The following RTBDN variants were observed in gnomAD, a reference collection of about 807,000 sequenced individuals.
RTBDN encodes the protein retbindin.
RTBDN carries 24 observed loss-of-function variants against 21.9 expected under a neutral mutation model. The observed-to-expected ratio is 1.10, with a 90% CI of 0.79 to 1.54. RTBDN has a LOEUF of 1.54. RTBDN is among the 40% of genes most tolerant of loss of function. The pLI, the probability that RTBDN is intolerant of heterozygous loss-of-function variation, is 0.00. For synonymous variants in RTBDN, 141 were observed against 125.9 expected (o/e 1.12, Z -0.80); for missense variants, 325 against 315.2 (o/e 1.03, Z -0.23).
rs777089977 is a variant in RTBDN at position 12,825,805 on chromosome 19, C to T, written c.591G>A (p.Arg197=). The change falls in exon 6 of 6, where the codon CGG becomes CGA. Residue 197 remains arginine (R), a synonymous_variant. Coordinates refer to ENST00000674343, the MANE Select transcript of RTBDN (RefSeq NM_001270441.2). ...SAVPRPRPGR[R]GREAPSRRSR... ...AACGCCGGGAGGGAGCTTCCCGGCC[C>T]CGTCGTCCTGGTCTGGGACGAGGTA... 1.2e-6 allele frequency: 2 copies of T among 1,612,088 alleles called. No homozygotes were observed. The highest frequency in any genetic ancestry group is 1.1e-5 in the South Asian group (1 of 90,928).
At position 12,826,808 on chromosome 19, in the gene RTBDN, C is replaced by G. The variant is rs1367563404; in HGVS notation, c.429G>C (p.Arg143Ser). The change falls in exon 5 of 6, where the codon AGG becomes AGC. Residue 143 changes from arginine to serine, a missense_variant. Coordinates refer to ENST00000674343, the MANE Select transcript of RTBDN (RefSeq NM_001270441.2). ...GPTWLPLSEKRGCEPSCLTYG... is the reference protein window; with the variant it reads ...GPTWLPLSEKSGCEPSCLTYG... ...AGGTAAGGCAGCTGGGCTCACAGCC[C>G]CTTTTTTCTGAGAGTGGGAGCCAAG... is the stretch of plus-strand genomic sequence containing the variant. 10 of 1,555,300 alleles carry G rather than the reference C, an allele frequency of 6.4e-6. No homozygotes were observed. In the South Asian group the frequency reaches 1.2e-4, roughly 18 times the overall value.
chr19:12,828,800 C>T lies in RTBDN; in HGVS notation c.255-33G>A, dbSNP rs1422511539. 3 of 1,613,532 alleles carry T rather than the reference C, an allele frequency of 1.9e-6. No homozygotes were observed. In the African/African-American group the frequency reaches 4.0e-5, roughly 22 times the overall value. ...TTGGGAGAGATAGGGTCGGATGGGT[C>T]AGGACCCGAGGGAGTTCCTGGGCAA... On this transcript the variant is annotated intron_variant, in intron 3 of 5. Transcript: ENST00000674343.
chr19:12,829,356 C>G (rs1351741899), intron 2 of RTBDN, among the ~76,000 whole-genome samples: 2 of 152,098 alleles, frequency 1.3e-5, no homozygotes, highest in African/African-American at 4.8e-5. Context: ...CGCATGCCAC[C>G]TCGTCCAGCT....
chr19:12,832,165 ATGTT>A (rs1969597569), intron 1 of RTBDN, among the ~76,000 whole-genome samples: 1 of 152,060 alleles, frequency 6.6e-6, no homozygotes, highest in African/African-American at 2.4e-5. Flanking sequence ...GTTCGAATAA[ATGTT>A]TGTGTGTCTG....
Position 12,825,854 on chromosome 19 carries a change from C to T in RTBDN, c.542G>A (p.Cys181Tyr). 6.2e-7 allele frequency: 1 copy of T among 1,613,474 alleles called. No individual in the cohort carries two copies. The highest frequency in any genetic ancestry group is 1.3e-5 in the African/African-American group (1 of 75,036). ...LPVAAPGARH[C>Y]FNISISAVPR... ...TACCGCGGAGATGGAGATGTTGAAGCAGTGACGGGCTCCAGGAGCAGCCAC... is the reference window on the plus strand; with the variant it reads ...TACCGCGGAGATGGAGATGTTGAAGTAGTGACGGGCTCCAGGAGCAGCCAC... The change falls in exon 6 of 6, where the codon TGC becomes TAC. Residue 181 changes from cysteine (C) to tyrosine (Y), a missense_variant. Coordinates refer to ENST00000674343, the MANE Select transcript of RTBDN (RefSeq NM_001270441.2).
chr19:12,826,364 C>T (rs546537256), intron 5 of RTBDN: 545 of 1,267,570 alleles, frequency 4.3e-4, no homozygotes, highest in Non-Finnish European at 5.4e-4. Context: ...CTGGGGAGTA[C>T]CAATCCGGTC....
chr19:12,830,244 C>A lies in RTBDN; in HGVS notation c.-18-247G>T. ...CAGTGCCACCCCAACCAAGCTTAGA[C>A]CACAGTGGCCCTCCTCCCATCCAGC... On this transcript the variant is annotated intron_variant, in intron 1 of 5. Coordinates refer to ENST00000674343, the MANE Select transcript of RTBDN (RefSeq NM_001270441.2). The surrounding 1 kb of genome is among the most constrained non-coding windows in gnomAD (Gnocchi z 4.2). 2 of 1,246,980 alleles carry A rather than the reference C, an allele frequency of 1.6e-6. No individual in the cohort carries two copies. Among genetic ancestry groups the A allele is most frequent in the Non-Finnish European group, 1.0e-6 (1 of 991,342 alleles). The allele number at this position is 1,246,980 out of a possible 1,614,324, so 77.2% of individuals were successfully genotyped here.
chr19:12,833,907 T>A, intron 1 of RTBDN: 1 of 164,970 alleles, frequency 6.1e-6, no homozygotes, highest in Non-Finnish European at 1.3e-5. Flanking sequence ...CCCTCCTCCC[T>A]CCTCCCGCCG....
Position 12,830,653 on chromosome 19 carries a change from A to G in RTBDN, c.-18-656T>C, listed in dbSNP as rs967510306. On this transcript the variant is annotated intron_variant, in intron 1 of 5. Transcript: ENST00000674343. This position sits in a 1 kb window ranked among gnomAD's most constrained non-coding sequence, Gnocchi z 4.2. ...GGTCTAGAGGCCGCTAAGACACCTC[A>G]GGATCCAGTCCAGGAAACTGGCTGC... 4.1e-6 allele frequency: 4 copies of G among 985,466 alleles called. No homozygotes were observed. In the African/African-American group the frequency reaches 5.2e-5, roughly 13 times the overall value. The allele number at this position is 985,466 out of a possible 1,614,324, so 61.0% of individuals were successfully genotyped here. A position where few individuals can be genotyped will look rare whatever the true frequency, so the allele number is the denominator to read the frequency against.
rs369175490 is a variant in RTBDN, at chr19:12,825,718, G to A, written c.678C>T (p.Gly226=). 15 of 1,577,244 alleles carry A rather than the reference G, an allele frequency of 9.5e-6. No homozygotes were observed. The African/African-American group carries it at 1.8e-4, about 18-fold the overall frequency. ...AAGSGSGSGS[G]SGP ...GGCCACGCGTCCGCTAGGGGCCGCT[G>A]CCGCTTCCACTGCCACTCCCGCTGC... Residue 226 remains glycine (G), a synonymous_variant, in exon 6 of 6, where the codon GGC becomes GGT. Transcript: ENST00000674343.
intron 1 of RTBDN, among the ~76,000 whole-genome samples, chr19:12,833,164 G>A (rs1969637975): frequency 1.3e-5 from 2 of 152,232 alleles, no homozygotes; most frequent in Middle Eastern, 6.8e-3. Flanking sequence ...TGGGGCAGGT[G>A]GGTGGGGGGG....
rs1208461483 is a variant in RTBDN, at chr19:12,830,116, G to A, written c.-18-119C>T. ...TAGGGAAAGTGCAGCTGAGGAGGAG[G>A]CTGGGGCAGTGGCCAAGGACGTTCA... On this transcript the variant is annotated intron_variant, in intron 1 of 5. Transcript: ENST00000674343. The surrounding 1 kb of genome is among the most constrained non-coding windows in gnomAD (Gnocchi z 4.2). The A allele has an allele frequency of 2.2e-6, 3 of 1,334,900 alleles. No homozygotes were observed. The African/African-American group carries it at 4.4e-5, about 20-fold the overall frequency. The allele number at this position is 1,334,900 out of a possible 1,614,324, so 82.7% of individuals were successfully genotyped here.
At position 12,826,377 on chromosome 19, in the gene RTBDN, T is replaced by G. The variant is rs774472038; in HGVS notation, c.462+398A>C. The G allele has an allele frequency of 7.9e-6, 10 of 1,273,466 alleles. 1 individual carries two copies. In the South Asian group the frequency reaches 1.2e-4, roughly 15 times the overall value. The allele number at this position is 1,273,466 out of a possible 1,614,324, so 78.9% of individuals were successfully genotyped here. On this transcript the variant is annotated intron_variant, in intron 5 of 5. Coordinates refer to ENST00000674343, the MANE Select transcript of RTBDN (RefSeq NM_001270441.2). ...ACCTGGGGAGTACCAATCCGGTCTC[T>G]GGGGTCTAGACACGGTAAGAAAGAA...
chr19:12,828,240 A>G (rs1479965989), intron 4 of RTBDN, among the ~76,000 whole-genome samples: 1 of 152,046 alleles, frequency 6.6e-6, no homozygotes, highest in East Asian at 1.9e-4. Context: ...TACTAAAAAT[A>G]CAAAAATTAG....
At position 12,825,639 on chromosome 19, in the gene RTBDN, G is replaced by T; in HGVS notation, c.*67C>A. On this transcript the variant is annotated 3_prime_UTR_variant, in exon 6 of 6. Coordinates refer to ENST00000674343, the MANE Select transcript of RTBDN (RefSeq NM_001270441.2). ...GAAGGCCGAGAGGACGAGGGGTGGGGTTCTGGGTGTCCTGAGGGGCGGGGC... is the reference window on the plus strand; with the variant it reads ...GAAGGCCGAGAGGACGAGGGGTGGGTTTCTGGGTGTCCTGAGGGGCGGGGC... The T allele has an allele frequency of 6.7e-7, 1 of 1,495,594 alleles. No individual in the cohort carries two copies. The allele number at this position is 1,495,594 out of a possible 1,614,324, so 92.6% of individuals were successfully genotyped here. A position where few individuals can be genotyped will look rare whatever the true frequency, so the allele number is the denominator to read the frequency against.
At position 12,830,418 on chromosome 19, in the gene RTBDN, G is replaced by T. The variant is rs536522746; in HGVS notation, c.-18-421C>A. 44 of 989,320 alleles carry T rather than the reference G, an allele frequency of 4.4e-5. No homozygotes were observed. The African/African-American group carries it at 7.5e-4, about 17-fold the overall frequency. The allele number at this position is 989,320 out of a possible 1,614,324, so 61.3% of individuals were successfully genotyped here. On this transcript the variant is annotated intron_variant, in intron 1 of 5. Transcript: ENST00000674343. The surrounding 1 kb of genome is among the most constrained non-coding windows in gnomAD (Gnocchi z 4.2). ...CCTCCTCCCTCTCTCGCTCCCTGCC[G>T]GCCCTTCTCTGGGTCACCTTCTCTC...
rs985558721 is a variant in RTBDN at position 12,834,021 on chromosome 19, G to A, written c.-19+468C>T. 58 of 398,436 alleles carry A rather than the reference G, an allele frequency of 1.5e-4. No individual in the cohort carries two copies. Among genetic ancestry groups the A allele is most frequent in the Middle Eastern group, 5.8e-4 (1 of 1,716 alleles). The allele number at this position is 398,436 out of a possible 1,614,324, so 24.7% of individuals were successfully genotyped here. ...GGAGGCTGCAGGTACGCGGCTGCCT[G>A]GGCCCCGGGTGGAGAGGAAGGGGTC... On this transcript the variant is annotated intron_variant, in intron 1 of 5. Transcript: ENST00000674343. This position sits in a 1 kb window ranked among gnomAD's most constrained non-coding sequence, Gnocchi z 4.7.
At chr19:12,828,566 C>T (rs1969414629) in intron 4 of RTBDN, 91 bp downstream of exon 4, 1 of 930,678 alleles carries the variant, frequency 1.1e-6, no homozygotes, top group South Asian at 1.6e-5. Context: ...GGAGGCCACT[C>T]CCCTTTACAC....
upstream of RTBDN, chr19:12,835,182 A>G: frequency 1.5e-6 from 2 of 1,375,632 alleles, no homozygotes; most frequent in Non-Finnish European, 2.1e-6. Context: ...AATGGTGATC[A>G]GACTGCAGGA....
Sources: gnomAD v4.1 joint callset for allele counts (sites outside exome capture counted in the v4.1 genomes callset) on GRCh38, gnomAD v4.1.1 for gene constraint, Gnocchi (gnomAD v3.1) non-coding constraint, MANE v1.5 for transcripts, NCBI Gene and HGNC (gene_info 2026-07-23, HGNC 2026-07-21) for gene names.